EDARADD: variants seen among roughly 807,000 people sequenced by gnomAD.
EDARADD encodes ectodysplasin-A receptor-associated adapter protein.
EDARADD carries 20 observed loss-of-function variants against 25.6 expected under a neutral mutation model. The observed-to-expected ratio is 0.78, with a 90% CI of 0.55 to 1.14. EDARADD has a LOEUF of 1.14. EDARADD is among the 50% of genes most tolerant of loss of function. The pLI is 0.00. For missense variants in EDARADD, 225 were observed against 270.1 expected (o/e 0.83, Z 1.17); for synonymous variants, 86 against 94.4 (o/e 0.91, Z 0.52).
At chr1:236,463,744 C>T (rs202225972) in intron 4 of EDARADD, among the ~76,000 whole-genome samples, 1 of 152,242 alleles carries the variant, frequency 6.6e-6, no homozygotes, top group East Asian at 1.9e-4. Context: ...CCCATTTCTG[C>T]TTCCTAGGCC....
rs879229362 is a variant in EDARADD at position 236,483,503 on chromosome 1, A to G, written c.*854A>G. 5 of 1,004,500 alleles carry G rather than the reference A, an allele frequency of 5.0e-6. No homozygotes were observed. Among genetic ancestry groups the G allele is most frequent in the South Asian group, 1.3e-5 (1 of 78,476 alleles). 62.2% of individuals were successfully genotyped at this position (1,004,500 alleles called of 1,614,324 possible). ...AATTTGGTGCAAATGCCATTCTGGG[A>G]GTGTCCCTCGCTGCCTGCAAAGCTA... On this transcript the variant is annotated 3_prime_UTR_variant, in exon 6 of 6. Transcript: ENST00000334232.
In EDARADD at chr1:236,480,181, G is replaced by A. The variant is rs1007591461; in HGVS notation, c.266-2086G>A. ...CATTGATTTTCATGTAGTTCTAATC[G>A]TAGAATTCATACATTCTTTCTATCT... On this transcript the variant is annotated intron_variant, in intron 5 of 5. Coordinates refer to ENST00000334232, the MANE Select transcript of EDARADD (RefSeq NM_145861.4). Among the ~76,000 whole-genome samples the A allele has an allele frequency of 7.6e-5, 10 of 131,228 alleles. No homozygotes were observed. The South Asian group carries it at 2.0e-3, about 26-fold the overall frequency. The allele number at this position is 131,228 out of a possible 152,430, so 86.1% of individuals were successfully genotyped here.
At chr1:236,467,445 C>CAT (rs1403437164) in intron 4 of EDARADD, among the ~76,000 whole-genome samples, 10 of 151,548 alleles carry the variant, frequency 6.6e-5, no homozygotes, top group African/African-American at 1.5e-4. Context: ...CACACACACA[C>CAT]ACACACACAC....
At chr1:236,388,379 C>T (rs1040624550) in intron 3 of EDARADD, among the ~76,000 whole-genome samples, 3 of 152,092 alleles carry the variant, frequency 2.0e-5, no homozygotes, top group Non-Finnish European at 2.9e-5. Context: ...CTTGAATTTA[C>T]TCTCCCATAT....
At chr1:236,419,327 G>A (rs11810960) in intron 3 of EDARADD, among the ~76,000 whole-genome samples, 4,996 of 152,228 alleles carry the variant, frequency 0.033, 247 homozygotes, top group African/African-American at 0.11. Context: ...CTGGGAGTTC[G>A]AGGCTGCAGT....
rs1480659788 is a variant in EDARADD, at chr1:236,398,264, A to G, written c.61+3759A>G. 2.6e-5 allele frequency among the ~76,000 whole-genome samples: 4 copies of G among 152,070 alleles called. No individual in the cohort carries two copies. Among genetic ancestry groups the G allele is most frequent in the Admixed American group, 2.0e-4 (3 of 15,264 alleles). ...CTCAGCCTCCCAAGTAACTGGTATTACAGGTGCACACTACCACACCTGGCT... is the reference window on the plus strand; with the variant it reads ...CTCAGCCTCCCAAGTAACTGGTATTGCAGGTGCACACTACCACACCTGGCT... On this transcript the variant is annotated intron_variant, in intron 1 of 5. Coordinates refer to ENST00000334232, the MANE Select transcript of EDARADD (RefSeq NM_145861.4). This position sits in a 1 kb window ranked among gnomAD's most constrained non-coding sequence, Gnocchi z 4.1.
At chr1:236,393,882 C>T (rs1002472138), upstream of EDARADD, among the ~76,000 whole-genome samples, 3 of 151,724 alleles carry the variant, frequency 2.0e-5, no homozygotes, top group Non-Finnish European at 4.4e-5. Flanking sequence ...CTTTATAGTT[C>T]GCAAAGCACA....
chr1:236,380,718 G>A (rs1558105141), intron 3 of EDARADD, among the ~76,000 whole-genome samples: 1 of 152,104 alleles, frequency 6.6e-6, no homozygotes, highest in African/African-American at 2.4e-5. Flanking sequence ...GCATGTATCT[G>A]TTTGTTTGTT....
At chr1:236,402,622 G>T (rs1490906543) in intron 1 of EDARADD, among the ~76,000 whole-genome samples, 1 of 151,956 alleles carries the variant, frequency 6.6e-6, no homozygotes, top group East Asian at 1.9e-4. Context: ...TGTTGCCCAG[G>T]CTGTTCTCAA....
At chr1:236,450,397 A>G (rs1374202250) in intron 4 of EDARADD, among the ~76,000 whole-genome samples, 1 of 152,136 alleles carries the variant, frequency 6.6e-6, no homozygotes, top group African/African-American at 2.4e-5. Context: ...CACACTGTAT[A>G]GACAATGGAA....
intron 4 of EDARADD, among the ~76,000 whole-genome samples, chr1:236,438,073 G>A (rs1046632008): frequency 6.6e-6 from 1 of 151,774 alleles, no homozygotes; most frequent in Non-Finnish European, 1.5e-5. Flanking sequence ...TTCATGGCTT[G>A]TAGCTGGCTG....
chr1:236,484,636 A>G lies in EDARADD; in HGVS notation c.*1987A>G, dbSNP rs1659780565. On this transcript the variant is annotated 3_prime_UTR_variant, in exon 6 of 6. Transcript: ENST00000334232. The surrounding 1 kb of genome is among the most constrained non-coding windows in gnomAD (Gnocchi z 4.1). The stretch of plus-strand genomic sequence containing the variant: ...CGCACCTCTTCCTTAGAACTTCTAC[A>G]GAAGCAGGTTGCAGTGAGCCGAGAT... 2.6e-5 allele frequency: 14 copies of G among 540,222 alleles called. No individual in the cohort carries two copies. Among genetic ancestry groups the G allele is most frequent in the South Asian group, 2.6e-4 (13 of 50,944 alleles). 33.5% of individuals were successfully genotyped at this position (540,222 alleles called of 1,614,324 possible).
intron 4 of EDARADD, among the ~76,000 whole-genome samples, chr1:236,458,407 A>G (rs11585484): frequency 0.34 from 52,125 of 151,980 alleles, 9,453 homozygotes; most frequent in Non-Finnish European, 0.41. Context: ...GTAGATCAAT[A>G]TGATTTGGGG....
intron 4 of EDARADD, 142 bp from the exon 5 acceptor site, chr1:236,468,089 A>G: frequency 1.3e-6 from 1 of 780,744 alleles, no homozygotes; most frequent in Non-Finnish European, 2.3e-6. Flanking sequence ...ACCTCCCATT[A>G]AAATGCCATT....
At chr1:236,368,534 G>A (rs928503270) in intron 3 of EDARADD, among the ~76,000 whole-genome samples, 2 of 146,222 alleles carry the variant, frequency 1.4e-5, no homozygotes, top group Non-Finnish European at 3.0e-5. Flanking sequence ...TCTGCCTCCC[G>A]GGTTCAAGCG....
intron 4 of EDARADD, among the ~76,000 whole-genome samples, chr1:236,438,118 C>CTTTG (rs10676848): frequency 0.79 from 120,030 of 151,508 alleles, 48,477 homozygotes; most frequent in Non-Finnish European, 0.88. Context: ...AGTTTTCCCT[C>CTTTG]TTTGTCTGTC....
Position 236,395,718 on chromosome 1 carries a change from G to A in EDARADD, c.61+1213G>A. The A allele has an allele frequency of 6.6e-7, 1 of 1,525,260 alleles. No individual in the cohort carries two copies. 94.5% of individuals were successfully genotyped at this position (1,525,260 alleles called of 1,614,324 possible). A position where few individuals can be genotyped will look rare whatever the true frequency, so the allele number is the denominator to read the frequency against. ...AGCGAGCACCGCGGGGCGGGAGCTC[G>A]GGAGGCGCTCGCAGCAGCCGCAGGG... On this transcript the variant is annotated intron_variant, in intron 1 of 5. Coordinates refer to ENST00000334232, the MANE Select transcript of EDARADD (RefSeq NM_145861.4). The surrounding 1 kb of genome is among the most constrained non-coding windows in gnomAD (Gnocchi z 6.9).
intron 4 of EDARADD, among the ~76,000 whole-genome samples, chr1:236,447,215 TCTTTCTTTC>T (rs879862335): frequency 0.15 from 7,861 of 51,798 alleles, 557 homozygotes; most frequent in Non-Finnish European, 0.23. Context: ...TTTCTTTCTT[TCTTTCTTTC>T]CTTTCTTTCC....
intron 3 of EDARADD, among the ~76,000 whole-genome samples, chr1:236,366,675 CTTT>C (rs1667114764): frequency 6.6e-6 from 1 of 151,810 alleles, no homozygotes; most frequent in Non-Finnish European, 1.5e-5. Flanking sequence ...CTCAGTTCTT[CTTT>C]CCTGCATCTT....
Sources: gnomAD v4.1 joint callset for allele counts (sites outside exome capture counted in the v4.1 genomes callset) on GRCh38, gnomAD v4.1.1 for gene constraint, Gnocchi (gnomAD v3.1) non-coding constraint, MANE v1.5 for transcripts, NCBI Gene and HGNC (gene_info 2026-07-23, HGNC 2026-07-21) for gene names.